ZUP1: variants seen among roughly 807,000 people sequenced by gnomAD.
ZUP1 encodes zinc finger-containing ubiquitin peptidase 1.
In ZUP1, 55 loss-of-function variants were observed where a neutral mutation model predicts 68.1. The ratio of observed to expected loss-of-function variants is 0.81; its 90% CI spans 0.65 to 1.01. The LOEUF (loss-of-function observed/expected upper bound fraction) is 1.01. Ranked by LOEUF, ZUP1 falls within the 50% of genes least tolerant of loss-of-function variation. ZUP1 has a pLI of 0.00. For missense variants in ZUP1, 684 were observed against 674.9 expected, an observed-to-expected ratio of 1.01 and a Z score of -0.15; for synonymous variants, 223 against 221.5, an observed-to-expected ratio of 1.01 and a Z score of -0.06.
intron 9 of ZUP1, among the ~76,000 whole-genome samples, chr6:116,637,457 C>A (rs1775939315): frequency 6.6e-6 from 1 of 152,072 alleles, no homozygotes; most frequent in Non-Finnish European, 1.5e-5. Flanking sequence ...TCCTTTTCTA[C>A]CTGGCAGTGT....
At chr6:116,659,818 T>G (rs551082941) in intron 3 of ZUP1, among the ~76,000 whole-genome samples, 17 of 152,262 alleles carry the variant, frequency 1.1e-4, no homozygotes, top group African/African-American at 4.1e-4. Context: ...CATGACCTGA[T>G]GGTTTAATTA....
chr6:116,652,095 TA>T lies in ZUP1; in HGVS notation c.1058del (p.Leu353Ter), dbSNP rs755256360. 2 of 1,613,992 alleles carry T rather than the reference TA, an allele frequency of 1.2e-6. No individual in the cohort carries two copies. The highest frequency in any genetic ancestry group is 1.7e-5 in the Admixed American group (1 of 60,022). On this transcript the variant is annotated frameshift_variant, in exon 6 of 10. Transcript: ENST00000368576. LOFTEE classifies it high-confidence loss of function. ...AACCACAACCCCAACCTTTGTCGCC[TA>T]AAGATGAATGAAAGTGATCCACCAC... Reference protein sequence around the residue: ...SSVVDHFHSSLGDKGWGCGYR... With the variant: ...SSVVDHFHSSXGDKGWGCGYR...
intron 5 of ZUP1, among the ~76,000 whole-genome samples, chr6:116,655,457 G>T (rs1776633906): frequency 6.6e-6 from 1 of 151,996 alleles, no homozygotes; most frequent in East Asian, 1.9e-4. Context: ...TTGTGGGGAG[G>T]GCAAATTAGA....
Position 116,657,818 on chromosome 6 carries a change from C to T in ZUP1, c.793-966G>A, listed in dbSNP as rs564091151. Reference sequence around the variant, plus strand: ...AAAACTATAAGCAATAGGCCAGGCACGGTGGCTCATGCCTATAATCCCAGC... The same window carrying T: ...AAAACTATAAGCAATAGGCCAGGCATGGTGGCTCATGCCTATAATCCCAGC... On this transcript the variant is annotated intron_variant, in intron 4 of 9. Transcript: ENST00000368576. Among the ~76,000 whole-genome samples the T allele has an allele frequency of 4.6e-5, 7 of 152,270 alleles. No homozygotes were observed. In the South Asian group the frequency reaches 1.2e-3, roughly 27 times the overall value.
intron 5 of ZUP1, 31 bp from the exon 6 acceptor site, chr6:116,652,223 A>C (rs1248857870): frequency 6.4e-7 from 1 of 1,562,758 alleles, no homozygotes; most frequent in Admixed American, 1.8e-5. Context: ...AGAAGCAGTC[A>C]TTATCACCTT....
intron 9 of ZUP1, among the ~76,000 whole-genome samples, chr6:116,638,814 A>T (rs1439745458): frequency 6.6e-6 from 1 of 152,166 alleles, no homozygotes; most frequent in Non-Finnish European, 1.5e-5. Flanking sequence ...TCATCTCACT[A>T]GGGAGTGCCA....
chr6:116,652,230 C>A (rs1419120710), intron 5 of ZUP1, 38 bp from the exon 6 acceptor site: 1 of 1,511,742 alleles, frequency 6.6e-7, no homozygotes, highest in South Asian at 1.2e-5. Context: ...GTCATTATCA[C>A]CTTTATATTG....
intron 2 of ZUP1, among the ~76,000 whole-genome samples, chr6:116,661,107 C>T (rs1392259855): frequency 1.3e-5 from 2 of 151,854 alleles, no homozygotes; most frequent in Non-Finnish European, 2.9e-5. Flanking sequence ...AACTCCTGGA[C>T]TCAAGTGATC....
At chr6:116,656,878 T>G (rs775884747) in intron 4 of ZUP1, 26 bp from the exon 5 acceptor site, 2 of 1,473,812 alleles carry the variant, frequency 1.4e-6, no homozygotes, top group East Asian at 4.7e-5. Flanking sequence ...ATAAATGACT[T>G]AATTTTTACA....
At position 116,652,069 on chromosome 6, in the gene ZUP1, T is replaced by C. The variant is rs140094037; in HGVS notation, c.1085A>G (p.Tyr362Cys). The change falls in exon 6 of 10, where the codon TAC (tyrosine) becomes TGC (cysteine). Residue 362 changes from tyrosine (Y) to cysteine (C), a missense_variant. Physicochemically the swap from Tyr to Cys is radical, Grantham distance 194 (BLOSUM62 -2). Transcript: ENST00000368576. ...TGAAAGTAGCATTTGGAAATTTCTGTAACCACAACCCCAACCTTTGTCGCC... is the reference window on the plus strand; with the variant it reads ...TGAAAGTAGCATTTGGAAATTTCTGCAACCACAACCCCAACCTTTGTCGCC... Reference protein sequence around the residue: ...SLGDKGWGCGYRNFQMLLSSL... With the variant: ...SLGDKGWGCGCRNFQMLLSSL... 1 of 1,613,992 alleles carries C rather than the reference T, an allele frequency of 6.2e-7. No individual in the cohort carries two copies. Among genetic ancestry groups the C allele is most frequent in the Non-Finnish European group, 8.5e-7 (1 of 1,179,902 alleles).
intron 7 of ZUP1, among the ~76,000 whole-genome samples, chr6:116,651,046 A>G (rs1476684984): frequency 6.6e-6 from 1 of 152,158 alleles, no homozygotes. Context: ...GAATAAGGAG[A>G]GCCTCAGATT....
At chr6:116,661,964 T>C (rs2114285931) in intron 2 of ZUP1, among the ~76,000 whole-genome samples, 1 of 152,204 alleles carries the variant, frequency 6.6e-6, no homozygotes, top group South Asian at 2.1e-4. Context: ...AATAAGTATG[T>C]TCAAAATGCT....
chr6:116,641,558 T>G (rs983689810), intron 9 of ZUP1, among the ~76,000 whole-genome samples: 6 of 152,022 alleles, frequency 3.9e-5, no homozygotes, highest in Admixed American at 1.3e-4. Context: ...CTCAACTACA[T>G]GGAAACTGAA....
intron 7 of ZUP1, among the ~76,000 whole-genome samples, chr6:116,649,651 T>G (rs764754416): frequency 2.0e-5 from 3 of 152,104 alleles, no homozygotes; most frequent in Non-Finnish European, 2.9e-5. Flanking sequence ...GGTAAGAGAG[T>G]GAAAAACTCT....
At chr6:116,660,653 C>T (rs1206589013) in intron 3 of ZUP1, 83 bp downstream of exon 3, 3 of 677,058 alleles carry the variant, frequency 4.4e-6, no homozygotes, top group Non-Finnish European at 6.9e-6. Flanking sequence ...ATATTTTTTC[C>T]ATATCACAAA....
intron 9 of ZUP1, 150 bp downstream of exon 9, chr6:116,645,564 C>G: frequency 1.7e-6 from 1 of 578,382 alleles, no homozygotes; most frequent in Non-Finnish European, 2.7e-6. Context: ...GCCTGGTCAA[C>G]AGAGTGAGAC....
chr6:116,642,346 A>C (rs1429249222), intron 9 of ZUP1, among the ~76,000 whole-genome samples: 1 of 152,174 alleles, frequency 6.6e-6, no homozygotes, highest in Non-Finnish European at 1.5e-5. Context: ...TGAGGCCAGC[A>C]TCATCCTGAT....
At position 116,644,756 on chromosome 6, in the gene ZUP1, G is replaced by T. The variant is rs185228749; in HGVS notation, c.1689+958C>A. On this transcript the variant is annotated intron_variant, in intron 9 of 9. Transcript: ENST00000368576. ...CTAATGCTAAATGACGATTTAATGG[G>T]TGTAGCACACCATCATGGCACATGT... 3.3e-3 allele frequency among the ~76,000 whole-genome samples: 495 copies of T among 151,930 alleles called. 12 individuals are homozygous for T. The highest frequency in any genetic ancestry group is 0.024 in the Admixed American group (366 of 15,266).
At chr6:116,648,809 G>GA (rs558282109) in intron 7 of ZUP1, among the ~76,000 whole-genome samples, 3,306 of 144,180 alleles carry the variant, frequency 0.023, 45 homozygotes, top group Non-Finnish European at 0.034. Flanking sequence ...TAAAAATGCA[G>GA]AAAAAAAAAA....
Sources: allele counts gnomAD v4.1 joint callset (sites outside exome capture counted in the v4.1 genomes callset), GRCh38; gene constraint gnomAD v4.1.1; transcripts MANE v1.5; gene names NCBI Gene and HGNC (gene_info 2026-07-23, HGNC 2026-07-21).